C6orf52: variants seen among roughly 807,000 people sequenced by gnomAD.
The protein encoded by C6orf52 is putative uncharacterized protein C6orf52.
C6orf52 carries 16 observed loss-of-function variants against 16.6 expected under a neutral mutation model. That is an observed-to-expected ratio of 0.96 (90% CI 0.65 to 1.46). The LOEUF is 1.46. Among genes scored for constraint, C6orf52 ranks in the 40% most tolerant of loss-of-function variants. The probability of loss-of-function intolerance (pLI) is 0.00; values close to 1 mark genes in which losing one functional copy is unlikely to be tolerated. For synonymous variants in C6orf52, 53 were observed against 61.4 expected (o/e 0.86, Z 0.64); for missense variants, 166 against 182.3 (o/e 0.91, Z 0.52).
intron 3 of C6orf52, among the ~76,000 whole-genome samples, chr6:10,683,625 A>C (rs1768597324): frequency 6.6e-6 from 1 of 152,218 alleles, no homozygotes; most frequent in African/African-American, 2.4e-5. Context: ...TCCTTCCAGA[A>C]GACAATCTGT....
chr6:10,680,941 T>C (rs1385864905), intron 4 of C6orf52, among the ~76,000 whole-genome samples: 1 of 152,080 alleles, frequency 6.6e-6, no homozygotes, highest in African/African-American at 2.4e-5. Flanking sequence ...TTTGGGACTA[T>C]AGGTACATGC....
chr6:10,691,945 T>G (rs938715025), intron 1 of C6orf52, among the ~76,000 whole-genome samples: 2 of 152,202 alleles, frequency 1.3e-5, no homozygotes, highest in African/African-American at 4.8e-5. Flanking sequence ...GGAACAAAAG[T>G]TACTTAAGCA....
At position 10,687,214 on chromosome 6, in the gene C6orf52, C is replaced by A. The variant is rs762208057; in HGVS notation, c.72-50G>T. ...CCAACGCAGAATCATCCACAAACCC[C>A]CAAACCCTTTCTTCTTTCCAGGAAG... On this transcript the variant is annotated intron_variant, in intron 2 of 4. Transcript: ENST00000259983. 4.5e-6 allele frequency: 6 copies of A among 1,335,762 alleles called. No individual in the cohort carries two copies. In the African/African-American group the frequency reaches 8.9e-5, roughly 20 times the overall value. 82.7% of individuals were successfully genotyped at this position (1,335,762 alleles called of 1,614,324 possible).
At position 10,671,484 on chromosome 6, in the gene C6orf52, G is replaced by A. The variant is rs199719147; in HGVS notation, c.431C>T (p.Ser144Phe). The A allele has an allele frequency of 8.4e-6, 13 of 1,548,512 alleles. No homozygotes were observed. The East Asian group carries it at 2.5e-4, about 29-fold the overall frequency. Residue 144 changes from serine to phenylalanine, a missense_variant, in exon 5 of 5, where the codon TCC becomes TTC. Transcript: ENST00000259983. The part of the protein sequence containing the change: ...CHWQPLDTVH[S>F]EIPDETPK ...CTTCGGGGTCTCATCTGGGATTTCG[G>A]AGTGAACTGTGTCCAGAGGCTGCCA...
At chr6:10,677,383 A>G (rs868068657) in intron 4 of C6orf52, among the ~76,000 whole-genome samples, 19 of 150,706 alleles carry the variant, frequency 1.3e-4, no homozygotes, top group Middle Eastern at 7.0e-3. Context: ...TGTGTCTGTT[A>G]TTATGCCAGT....
intron 4 of C6orf52, chr6:10,672,600 A>G: frequency 1.4e-6 from 1 of 701,906 alleles, no homozygotes; most frequent in Non-Finnish European, 2.6e-6. Context: ...TAAATCTGGG[A>G]GTTTGAGATC....
In C6orf52 at chr6:10,694,525, G is replaced by A. The variant is rs1428898240; in HGVS notation, c.-43C>T. On this transcript the variant is annotated 5_prime_UTR_variant, in exon 1 of 5. Coordinates refer to ENST00000259983, the MANE Select transcript of C6orf52 (RefSeq NM_001145020.3). Reference sequence around the variant, plus strand: ...AACGACAGAAAGCCTCGTTCCGCTGGTCCCTGAACAAAAACTCCTACCCTA... The same window carrying A: ...AACGACAGAAAGCCTCGTTCCGCTGATCCCTGAACAAAAACTCCTACCCTA... The A allele has an allele frequency of 6.4e-6, 1 of 156,298 alleles. No homozygotes were observed. The highest frequency in any genetic ancestry group is 2.4e-5 in the African/African-American group (1 of 41,456). The allele number at this position is 156,298 out of a possible 1,614,324, so 9.7% of individuals were successfully genotyped here.
Position 10,694,494 on chromosome 6 carries a change from C to T in C6orf52, c.-12G>A, listed in dbSNP as rs1311072909. ...GAACCCTAATCCCACCCCTCCTTACCCTATTAACGACAGAAAGCCTCGTTC... is the reference window on the plus strand; with the variant it reads ...GAACCCTAATCCCACCCCTCCTTACTCTATTAACGACAGAAAGCCTCGTTC... On this transcript the variant is annotated splice_region_variant and 5_prime_UTR_variant, in exon 1 of 5. Coordinates refer to ENST00000259983, the MANE Select transcript of C6orf52 (RefSeq NM_001145020.3). The T allele has an allele frequency of 3.2e-5, 5 of 156,752 alleles. No individual in the cohort carries two copies. The highest frequency in any genetic ancestry group is 5.7e-5 in the Non-Finnish European group (4 of 69,968). The allele number at this position is 156,752 out of a possible 1,614,324, so 9.7% of individuals were successfully genotyped here. A position where few individuals can be genotyped will look rare whatever the true frequency, so the allele number is the denominator to read the frequency against.
intron 4 of C6orf52, among the ~76,000 whole-genome samples, chr6:10,676,730 G>A (rs1767921901): frequency 6.6e-6 from 1 of 152,186 alleles, no homozygotes; most frequent in South Asian, 2.1e-4. Flanking sequence ...CTGTAAAATT[G>A]CCTGCTGTCT....
intron 4 of C6orf52, among the ~76,000 whole-genome samples, chr6:10,675,978 A>AAAATAC (rs1165548434): frequency 0.013 from 2,021 of 152,198 alleles, 44 homozygotes; most frequent in African/African-American, 0.046. Context: ...CTAAAAATAC[A>AAAATAC]AAAATTAGCT....
chr6:10,686,977 C>T lies in C6orf52; in HGVS notation c.259G>A (p.Val87Ile), dbSNP rs1480314052. Residue 87 changes from valine (V) to isoleucine (I), a missense_variant, in exon 3 of 5, where the codon GTT becomes ATT. By Grantham distance (29) the Val-to-Ile change is conservative. Coordinates refer to ENST00000259983, the MANE Select transcript of C6orf52 (RefSeq NM_001145020.3). ...ETPEHTAGTLVMPKETTPLAE... is the reference protein window; with the variant it reads ...ETPEHTAGTLIMPKETTPLAE... ...CTAGCAAGGGATACCTTAGGCATAACCAGAGTTCCAGCTGTGTGTTCAGGG... is the reference window on the plus strand; with the variant it reads ...CTAGCAAGGGATACCTTAGGCATAATCAGAGTTCCAGCTGTGTGTTCAGGG... 5 of 1,547,010 alleles carry T rather than the reference C, an allele frequency of 3.2e-6. No individual in the cohort carries two copies. The highest frequency in any genetic ancestry group is 4.4e-6 in the Non-Finnish European group (5 of 1,144,758).
intron 4 of C6orf52, among the ~76,000 whole-genome samples, chr6:10,677,614 C>G (rs1054042126): frequency 1.3e-5 from 2 of 151,840 alleles, no homozygotes; most frequent in African/African-American, 4.8e-5. Context: ...TCACTCTAAC[C>G]TCCGCCTCCC....
chr6:10,686,204 G>T (rs1406120945), intron 3 of C6orf52, among the ~76,000 whole-genome samples: 1 of 152,156 alleles, frequency 6.6e-6, no homozygotes, highest in African/African-American at 2.4e-5. Context: ...ACCATAAGTG[G>T]ACGATTTTTT....
chr6:10,680,580 A>G (rs1486375280), intron 4 of C6orf52, among the ~76,000 whole-genome samples: 3 of 152,084 alleles, frequency 2.0e-5, no homozygotes, highest in Non-Finnish European at 2.9e-5. Context: ...TGTTTAAGAC[A>G]TGGCATTAGT....
chr6:10,688,953 AG>A (rs1298744971), intron 1 of C6orf52, among the ~76,000 whole-genome samples: 1 of 152,226 alleles, frequency 6.6e-6, no homozygotes, highest in Non-Finnish European at 1.5e-5. Flanking sequence ...CTGGGATTAC[AG>A]GCATCTGGCA....
intron 4 of C6orf52, among the ~76,000 whole-genome samples, chr6:10,674,010 C>T (rs1767654776): frequency 6.6e-6 from 1 of 152,066 alleles, no homozygotes; most frequent in Non-Finnish European, 1.5e-5. Flanking sequence ...AGTTCGTAAA[C>T]AACACACAGT....
chr6:10,688,714 A>G (rs1304017159), intron 1 of C6orf52, among the ~76,000 whole-genome samples: 1 of 152,236 alleles, frequency 6.6e-6, no homozygotes, highest in African/African-American at 2.4e-5. Context: ...TACCTAATAC[A>G]ATGGCTATGT....
chr6:10,684,848 C>A (rs778863922), intron 3 of C6orf52: 2 of 1,289,084 alleles, frequency 1.6e-6, no homozygotes, highest in Non-Finnish European at 2.0e-6. Context: ...CAGAGGCTTA[C>A]CATCTTTAAT....
chr6:10,677,781 A>G (rs1192455992), intron 4 of C6orf52, among the ~76,000 whole-genome samples: 1 of 151,476 alleles, frequency 6.6e-6, no homozygotes, highest in African/African-American at 2.4e-5. Context: ...TGATCCTCCC[A>G]CCTGAGCCTC....
Sources: allele counts gnomAD v4.1 joint callset (sites outside exome capture counted in the v4.1 genomes callset), GRCh38; gene constraint gnomAD v4.1.1; transcripts MANE v1.5; gene names NCBI Gene and HGNC (gene_info 2026-07-23, HGNC 2026-07-21).